NEK5: variants seen among roughly 807,000 people sequenced by gnomAD.
The protein encoded by NEK5 is serine/threonine-protein kinase Nek5.
A neutral mutation model predicts 109.2 loss-of-function variants in NEK5; 88 were observed. That is an observed-to-expected ratio of 0.81 (90% CI 0.68 to 0.96). The LOEUF is 0.96. Ranked by LOEUF, NEK5 falls within the 40% of genes least tolerant of loss-of-function variation. The pLI is 0.00. For missense variants in NEK5, 834 were observed against 920.7 expected, an observed-to-expected ratio of 0.91 and a Z score of 1.22; for synonymous variants, 283 against 299.9, an observed-to-expected ratio of 0.94 and a Z score of 0.58.
Position 52,119,339 on chromosome 13 carries a change from G to A in NEK5, c.194C>T (p.Ala65Val). ...LEKMKHPNIVAFFNSFQENGR... is the reference protein window; with the variant it reads ...LEKMKHPNIVVFFNSFQENGR... The stretch of plus-strand genomic sequence containing the variant: ...CAAACCTTGAAATGAATTGAAGAAG[G>A]CTACAATGTTGGGATGTTTCATCTT... The change falls in exon 4 of 24, where the codon GCC (alanine) becomes GTC (valine). Residue 65 changes from alanine (A) to valine (V), a missense_variant. This residue lies in a region of NEK5 where 777 missense variants were observed against 824.7 expected (regional missense o/e 0.94). Coordinates refer to ENST00000684899, the MANE Select transcript of NEK5 (RefSeq NM_001365552.1). 6.3e-7 allele frequency: 1 copy of A among 1,591,288 alleles called. No homozygotes were observed. The highest frequency in any genetic ancestry group is 8.6e-7 in the Non-Finnish European group (1 of 1,162,950).
chr13:52,128,504 TAC>T (rs1310607274), intron 1 of NEK5, among the ~76,000 whole-genome samples: 2 of 152,202 alleles, frequency 1.3e-5, no homozygotes, highest in Non-Finnish European at 2.9e-5. Flanking sequence ...TAGGGCATAA[TAC>T]AGTTTTGTTG....
intron 12 of NEK5, among the ~76,000 whole-genome samples, chr13:52,097,908 A>G (rs1955450233): frequency 7.9e-5 from 12 of 152,042 alleles, no homozygotes; most frequent in Non-Finnish European, 2.9e-5. Flanking sequence ...GAAGGTGATT[A>G]GATTATGGGG....
At chr13:52,051,931 A>C (rs1308738617) in intron 22 of NEK5, among the ~76,000 whole-genome samples, 1 of 152,172 alleles carries the variant, frequency 6.6e-6, no homozygotes, top group African/African-American at 2.4e-5. Context: ...TCCTCTGCTC[A>C]CCTGAGACAA....
chr13:52,083,699 G>A (rs546528218), intron 16 of NEK5, among the ~76,000 whole-genome samples: 2 of 152,170 alleles, frequency 1.3e-5, no homozygotes, highest in East Asian at 3.9e-4. Flanking sequence ...ACCACGCCTG[G>A]CTAATTTTTT....
chr13:52,064,030 G>A (rs1172376782), intron 21 of NEK5, among the ~76,000 whole-genome samples: 37 of 129,734 alleles, frequency 2.9e-4, no homozygotes, highest in Non-Finnish European at 5.0e-4. Context: ...CCGGCCAGCT[G>A]CCCCATCCGG....
intron 23 of NEK5, among the ~76,000 whole-genome samples, chr13:52,047,938 C>T (rs1263039916): frequency 1.3e-5 from 2 of 152,078 alleles, no homozygotes; most frequent in Non-Finnish European, 2.9e-5. Context: ...TTACAGGATA[C>T]ATCAGTAGTG....
intron 5 of NEK5, 90 bp from the exon 6 acceptor site, chr13:52,110,667 C>A: frequency 6.3e-6 from 1 of 157,534 alleles, no homozygotes; most frequent in South Asian, 5.4e-5. Flanking sequence ...AGAAATTATA[C>A]ACACACACAC....
intron 23 of NEK5, among the ~76,000 whole-genome samples, chr13:52,049,538 C>T (rs1405723544): frequency 1.3e-5 from 2 of 151,946 alleles, no homozygotes; most frequent in Non-Finnish European, 2.9e-5. Flanking sequence ...AACAACGTTT[C>T]TCATACTTTA....
At chr13:52,054,134 A>G (rs1462922528) in intron 22 of NEK5, among the ~76,000 whole-genome samples, 1 of 152,186 alleles carries the variant, frequency 6.6e-6, no homozygotes, top group Non-Finnish European at 1.5e-5. Context: ...CAGCAGTGTC[A>G]TTTGATCAGC....
intron 23 of NEK5, among the ~76,000 whole-genome samples, chr13:52,048,930 A>T (rs1954480030): frequency 6.6e-6 from 1 of 152,192 alleles, no homozygotes; most frequent in East Asian, 1.9e-4. Flanking sequence ...TGGTGACTAT[A>T]GTTAATAACA....
At chr13:52,089,016 G>T (rs111856398) in intron 14 of NEK5, among the ~76,000 whole-genome samples, 3 of 152,040 alleles carry the variant, frequency 2.0e-5, no homozygotes, top group African/African-American at 7.2e-5. Flanking sequence ...GCTTGAACCT[G>T]GGAGGCAGAG....
At chr13:52,126,508 T>C (rs1956065872) in intron 3 of NEK5, among the ~76,000 whole-genome samples, 1 of 152,228 alleles carries the variant, frequency 6.6e-6, no homozygotes. Flanking sequence ...CCAGAAGCAG[T>C]GGCTCAAGCC....
chr13:52,047,596 T>A (rs1326398058), intron 23 of NEK5, among the ~76,000 whole-genome samples: 1 of 152,142 alleles, frequency 6.6e-6, no homozygotes, highest in Non-Finnish European at 1.5e-5. Flanking sequence ...CAGTTTACTT[T>A]ATGGGAGGCC....
chr13:52,069,509 G>T lies in NEK5; in HGVS notation c.1849+2435C>A, dbSNP rs1314519605. Among the ~76,000 whole-genome samples the T allele has an allele frequency of 2.0e-5, 3 of 152,212 alleles. No individual in the cohort carries two copies. In the East Asian group the frequency reaches 5.8e-4, roughly 29 times the overall value. ...CAAGCTATATCTTTATCCCTGATATGCCCCAGGCCTTCAGTCTTATATAGA... is the reference window on the plus strand; with the variant it reads ...CAAGCTATATCTTTATCCCTGATATTCCCCAGGCCTTCAGTCTTATATAGA... On this transcript the variant is annotated intron_variant, in intron 20 of 23. Transcript: ENST00000684899.
chr13:52,034,775 G>A lies in NEK5; in HGVS notation c.*2173C>T, dbSNP rs1476644074. 6.8e-6 allele frequency: 1 copy of A among 146,798 alleles called. No individual in the cohort carries two copies. Among genetic ancestry groups the A allele is most frequent in the African/African-American group, 2.5e-5 (1 of 39,916 alleles). 9.1% of individuals were successfully genotyped at this position (146,798 alleles called of 1,614,324 possible). A position where few individuals can be genotyped will look rare whatever the true frequency, so the allele number is the denominator to read the frequency against. ...TTGCCCAGGCTGGTCTCAAACTCCT[G>A]GGCTCAAGCGATCCTCCTGCCTCAG... On this transcript the variant is annotated 3_prime_UTR_variant, in exon 24 of 24. Coordinates refer to ENST00000684899, the MANE Select transcript of NEK5 (RefSeq NM_001365552.1).
intron 23 of NEK5, among the ~76,000 whole-genome samples, chr13:52,048,219 T>C (rs2140904231): frequency 6.6e-6 from 1 of 152,316 alleles, no homozygotes; most frequent in Non-Finnish European, 1.5e-5. Flanking sequence ...CTATACTTCA[T>C]ATGTATTGAA....
Position 52,089,557 on chromosome 13 carries a change from C to T in NEK5, c.1209-244G>A, listed in dbSNP as rs547810273. On this transcript the variant is annotated intron_variant, in intron 13 of 23. Transcript: ENST00000684899. ...GGAGAGGATTAAACAGAAAAATATT[C>T]TTATCCAGTGATTTTTCTTCAGGAC... is the stretch of plus-strand genomic sequence containing the variant. 5.1e-4 allele frequency among the ~76,000 whole-genome samples: 77 copies of T among 152,248 alleles called. 1 individual carries two copies. The East Asian group carries it at 0.014, about 27-fold the overall frequency.
intron 4 of NEK5, among the ~76,000 whole-genome samples, chr13:52,115,877 A>T (rs1293199730): frequency 1.3e-5 from 2 of 151,984 alleles, no homozygotes; most frequent in African/African-American, 2.4e-5. Context: ...ATGCACTTTT[A>T]AAAAATCAAG....
intron 17 of NEK5, 50 bp from the exon 18 acceptor site, chr13:52,076,193 T>G: frequency 1.0e-6 from 1 of 984,300 alleles, no homozygotes. Context: ...TTTACATGAG[T>G]TGATTTCTGC....
Sources: gnomAD v4.1 joint callset for allele counts (sites outside exome capture counted in the v4.1 genomes callset) on GRCh38, gnomAD v4.1.1 for gene constraint, gnomAD v4.1.1 regional missense constraint, MANE v1.5 for transcripts, NCBI Gene and HGNC (gene_info 2026-07-23, HGNC 2026-07-21) for gene names.